The following C3orf22 variants were observed in gnomAD, a reference collection of about 807,000 sequenced individuals.
The protein encoded by C3orf22 is uncharacterized protein C3orf22.
A neutral mutation model predicts 10.8 loss-of-function variants in C3orf22; 7 were observed. The observed-to-expected ratio is 0.65, with a 90% CI of 0.37 to 1.22. C3orf22 has a LOEUF of 1.22. Ranked by LOEUF, C3orf22 falls within the 50% of genes most tolerant of loss-of-function variation. The probability of loss-of-function intolerance (pLI) is 0.02; values close to 1 mark genes in which losing one functional copy is unlikely to be tolerated. For missense variants in C3orf22, 173 were observed against 177.0 expected, an observed-to-expected ratio of 0.98 and a Z score of 0.13; for synonymous variants, 79 against 78.9, an observed-to-expected ratio of 1.00 and a Z score of 0.00.
At chr3:126,536,040 G>A (rs1407137904) in intron 4 of C3orf22, among the ~76,000 whole-genome samples, 3 of 152,174 alleles carry the variant, frequency 2.0e-5, no homozygotes, top group Non-Finnish European at 4.4e-5. Flanking sequence ...CAACTTTGGA[G>A]GGTAGGACAT....
Position 126,549,775 on chromosome 3 carries a change from G to T in C3orf22, c.*93C>A. The stretch of plus-strand genomic sequence containing the variant: ...ACTCCCGGTCTATGATGGCCATGAA[G>T]GCTGATCCCTTTACTAAAGTCTCTG... On this transcript the variant is annotated 3_prime_UTR_variant, in exon 4 of 4. Coordinates refer to ENST00000318225, the MANE Select transcript of C3orf22 (RefSeq NM_152533.3). 6.6e-7 allele frequency: 1 copy of T among 1,515,944 alleles called. No homozygotes were observed. Among genetic ancestry groups the T allele is most frequent in the Admixed American group, 2.1e-5 (1 of 47,592 alleles). The allele number at this position is 1,515,944 out of a possible 1,614,324, so 93.9% of individuals were successfully genotyped here. A position where few individuals can be genotyped will look rare whatever the true frequency, so the allele number is the denominator to read the frequency against.
chr3:126,557,422 C>T (rs779891442), intron 1 of C3orf22, among the ~76,000 whole-genome samples: 3 of 152,334 alleles, frequency 2.0e-5, no homozygotes, highest in East Asian at 1.9e-4. Flanking sequence ...TCTGGGATTC[C>T]GGAGTCCTCC....
At chr3:126,554,639 T>C (rs1414113030) in intron 1 of C3orf22, among the ~76,000 whole-genome samples, 1 of 152,226 alleles carries the variant, frequency 6.6e-6, no homozygotes, top group East Asian at 1.9e-4. Flanking sequence ...GGGTAAGGTC[T>C]GACCCCTGGT....
chr3:126,558,553 C>T (rs1481510914), intron 1 of C3orf22, 74 bp downstream of exon 1: 1 of 152,364 alleles, frequency 6.6e-6, no homozygotes, highest in East Asian at 1.9e-4. Context: ...TCTCCGCCAC[C>T]CTGTTGCTGC....
intron 4 of C3orf22, among the ~76,000 whole-genome samples, chr3:126,539,603 C>A (rs1936883633): frequency 7.0e-6 from 1 of 141,860 alleles, no homozygotes; most frequent in Non-Finnish European, 1.5e-5. Context: ...ACACCCCACA[C>A]ACTCCACACC....
intron 4 of C3orf22, among the ~76,000 whole-genome samples, chr3:126,539,773 GC>G: frequency 1.2e-4 from 2 of 16,406 alleles, no homozygotes; most frequent in Admixed American, 6.6e-4. Flanking sequence ...CACACACACA[GC>G]ACACACACAC....
chr3:126,534,852 T>G (rs529921421), intron 4 of C3orf22, among the ~76,000 whole-genome samples: 1 of 144,048 alleles, frequency 6.9e-6, no homozygotes, highest in Non-Finnish European at 1.5e-5. Context: ...ATCCCTGTCC[T>G]CAGCTGGGAG....
chr3:126,552,217 T>G, intron 2 of C3orf22, 95 bp from the exon 3 acceptor site: 1 of 1,547,816 alleles, frequency 6.5e-7, no homozygotes, highest in Non-Finnish European at 8.7e-7. Flanking sequence ...CTAGGCACTG[T>G]TCTAAGTGCT....
At chr3:126,542,037 G>A in intron 4 of C3orf22, 4 of 1,573,246 alleles carry the variant, frequency 2.5e-6, no homozygotes, top group Non-Finnish European at 3.4e-6. Context: ...GAGATCAACC[G>A]GCGCCTGCGC....
intron 4 of C3orf22, among the ~76,000 whole-genome samples, chr3:126,537,704 C>T (rs527967606): frequency 7.9e-5 from 12 of 152,310 alleles, no homozygotes; most frequent in East Asian, 5.8e-4. Flanking sequence ...ACCCTGTGAC[C>T]GTTGGGTGTC....
chr3:126,534,029 T>A (rs1232385350), intron 4 of C3orf22, among the ~76,000 whole-genome samples: 1 of 152,222 alleles, frequency 6.6e-6, no homozygotes, highest in Non-Finnish European at 1.5e-5. Flanking sequence ...AGTTCTCTTG[T>A]AATCCTTTCT....
At position 126,531,766 on chromosome 3, in the gene C3orf22, G is replaced by A. The variant is rs75884522; in HGVS notation, c.287-2394C>T. Among the ~76,000 whole-genome samples, 734 of 152,294 alleles carry A rather than the reference G, an allele frequency of 4.8e-3. 5 individuals are homozygous for A. The highest frequency in any genetic ancestry group is 0.017 in the African/African-American group (712 of 41,546). On this transcript the variant is annotated intron_variant and NMD_transcript_variant, in intron 4 of 5. Transcript: ENST00000505070. ...GGGGCTATCATGAATAATGCTGATG[G>A]GAACATTTGTGAACAAGTTTTTGTG...
At chr3:126,554,979 A>T (rs142192929) in intron 1 of C3orf22, among the ~76,000 whole-genome samples, 99 of 152,340 alleles carry the variant, frequency 6.5e-4, no homozygotes, top group African/African-American at 2.3e-3. Flanking sequence ...TGCTGGCTAC[A>T]TGAGGCTATC....
chr3:126,532,062 A>G (rs967681023), intron 4 of C3orf22, among the ~76,000 whole-genome samples: 11 of 152,174 alleles, frequency 7.2e-5, no homozygotes, highest in African/African-American at 2.7e-4. Flanking sequence ...TGCTGTAGGT[A>G]TATCTTTGGA....
intron 4 of C3orf22, chr3:126,542,710 C>T (rs1353388807): frequency 7.7e-6 from 10 of 1,298,174 alleles, no homozygotes; most frequent in Non-Finnish European, 8.9e-6. Context: ...GCCGGGCCAG[C>T]GGGCGCAGGG....
rs539181586 is a variant in C3orf22 at position 126,530,931 on chromosome 3, G to C, written c.287-1559C>G. Among the ~76,000 whole-genome samples the C allele has an allele frequency of 2.0e-5, 3 of 152,372 alleles. No homozygotes were observed. The South Asian group carries it at 6.2e-4, about 32-fold the overall frequency. The stretch of plus-strand genomic sequence containing the variant: ...TACAGGATGTGGCCTGGGCGCAGAG[G>C]GGGCCTGAGGCAGGCAGGGGGCAGC... On this transcript the variant is annotated intron_variant and NMD_transcript_variant, in intron 4 of 5. Transcript: ENST00000505070.
intron 4 of C3orf22, among the ~76,000 whole-genome samples, chr3:126,538,000 A>G (rs1936834598): frequency 1.3e-5 from 2 of 152,198 alleles, no homozygotes; most frequent in African/African-American, 4.8e-5. Context: ...GACAGTGGAC[A>G]TAGGTCCAGC....
At chr3:126,530,288 ACCCACTGGCCCCTGGGGGCTGTTATGG>A (rs1560137270) in intron 4 of C3orf22, among the ~76,000 whole-genome samples, 1 of 151,968 alleles carries the variant, frequency 6.6e-6, no homozygotes, top group African/African-American at 2.4e-5. Flanking sequence ...TTTCCCTTCT[ACCCACTGGCCCCTGGGGGCTGTTATGG>A]TACCCACTTT....
intron 4 of C3orf22, among the ~76,000 whole-genome samples, chr3:126,541,044 C>A (rs974591702): frequency 6.6e-6 from 1 of 152,158 alleles, no homozygotes; most frequent in African/African-American, 2.4e-5. Flanking sequence ...AGCATGGAAG[C>A]GCTGGCCTGG....
Sources: gnomAD v4.1 joint callset for allele counts (sites outside exome capture counted in the v4.1 genomes callset) on GRCh38, gnomAD v4.1.1 for gene constraint, MANE v1.5 for transcripts, NCBI Gene and HGNC (gene_info 2026-07-23, HGNC 2026-07-21) for gene names.